CCDC33: variants seen among roughly 807,000 people sequenced by gnomAD.
CCDC33 encodes coiled-coil domain containing 33.
A neutral mutation model predicts 91.9 loss-of-function variants in CCDC33; 94 were observed. The observed-to-expected ratio is 1.02, with a 90% confidence interval of 0.87 to 1.21. The LOEUF is 1.21. Ranked by LOEUF, CCDC33 falls within the 50% of genes most tolerant of loss-of-function variation. The pLI, the probability that CCDC33 is intolerant of heterozygous loss-of-function variation, is 0.00. For missense variants in CCDC33, 940 were observed against 935.5 expected (o/e 1.00, Z -0.06); for synonymous variants, 396 against 374.5 (o/e 1.06, Z -0.66).
At chr15:74,335,345 G>A in intron 18 of CCDC33, 1 of 600,842 alleles carries the variant, frequency 1.7e-6, no homozygotes, top group Non-Finnish European at 3.0e-6. Context: ...AACTCAAGGA[G>A]ATGACTGTGG....
chr15:74,232,782 G>A (rs770986534), upstream of CCDC33, among the ~76,000 whole-genome samples: 1 of 152,254 alleles, frequency 6.6e-6, no homozygotes, highest in Admixed American at 6.5e-5. Flanking sequence ...AACGCGGACA[G>A]TGAAGTCCCC....
intron 2 of CCDC33, among the ~76,000 whole-genome samples, chr15:74,225,117 C>CGTGCGTGTGTGT (rs2074748671): frequency 7.2e-6 from 1 of 139,832 alleles, no homozygotes; most frequent in African/African-American, 2.7e-5. Flanking sequence ...CTCCTGGAGG[C>CGTGCGTGTGTGT]GTGTGTGTGT....
chr15:74,305,798 C>G (rs1234606201), intron 11 of CCDC33, among the ~76,000 whole-genome samples: 2 of 152,216 alleles, frequency 1.3e-5, no homozygotes, highest in Admixed American at 1.3e-4. Context: ...TCTCGCCCCA[C>G]AGATTCCTCC....
chr15:74,268,569 G>A, intron 5 of CCDC33, 111 bp downstream of exon 5: 3 of 771,998 alleles, frequency 3.9e-6, no homozygotes, highest in Non-Finnish European at 6.6e-6. Context: ...AGGGTGTGGA[G>A]CAGAGATGTC....
chr15:74,211,241 A>G (rs1211003135), intron 2 of CCDC33, among the ~76,000 whole-genome samples: 1 of 151,514 alleles, frequency 6.6e-6, no homozygotes, highest in African/African-American at 2.4e-5. Flanking sequence ...GTTTCATTCT[A>G]TGGCTGGGAG....
At chr15:74,221,302 G>T (rs2015300) in intron 2 of CCDC33, 64 of 975,276 alleles carry the variant, frequency 6.6e-5, no homozygotes, top group Non-Finnish European at 7.4e-5. Flanking sequence ...AGCAGGATGA[G>T]CAGGAATGCA....
chr15:74,237,482 G>A (rs2075201736), intron 1 of CCDC33, among the ~76,000 whole-genome samples: 1 of 152,210 alleles, frequency 6.6e-6, no homozygotes, highest in Non-Finnish European at 1.5e-5. Flanking sequence ...GCAAATGGGG[G>A]ATACCCTCTT....
At chr15:74,282,775 G>C (rs930137864) in intron 10 of CCDC33, among the ~76,000 whole-genome samples, 1 of 152,246 alleles carries the variant, frequency 6.6e-6, no homozygotes, top group African/African-American at 2.4e-5. Context: ...GATGAGCCTC[G>C]ATCCCTCTCG....
intron 7 of CCDC33, among the ~76,000 whole-genome samples, chr15:74,274,175 C>T (rs547649429): frequency 4.6e-5 from 7 of 152,330 alleles, no homozygotes; most frequent in African/African-American, 1.4e-4. Flanking sequence ...ACAGGTTGGA[C>T]ACAGCAATAG....
chr15:74,243,393 C>T lies in CCDC33; in HGVS notation c.22-592C>T, dbSNP rs192076812. On this transcript the variant is annotated intron_variant, in intron 1 of 18. Transcript: ENST00000398814. The stretch of plus-strand genomic sequence containing the variant: ...GCAGGTGGGATTTAGGAATTACAGA[C>T]GAGGACACCTGCGAAAGCTAAGGCT... 4.6e-5 allele frequency among the ~76,000 whole-genome samples: 7 copies of T among 152,306 alleles called. No individual in the cohort carries two copies. In the East Asian group the frequency reaches 1.2e-3, roughly 25 times the overall value.
chr15:74,208,308 G>A (rs185368104), intron 1 of CCDC33, among the ~76,000 whole-genome samples: 9 of 152,184 alleles, frequency 5.9e-5, no homozygotes, highest in Non-Finnish European at 1.3e-4. Context: ...GCCTTCGGAG[G>A]ACTAGACACA....
intron 2 of CCDC33, among the ~76,000 whole-genome samples, chr15:74,226,566 C>T (rs1363925739): frequency 6.6e-6 from 1 of 152,066 alleles, no homozygotes; most frequent in African/African-American, 2.4e-5. Flanking sequence ...CGGTGGCTCT[C>T]GCCTGTAATC....
At position 74,244,895 on chromosome 15, in the gene CCDC33, G is replaced by T. The variant is rs1055405383; in HGVS notation, c.185+747G>T. Among the ~76,000 whole-genome samples the T allele has an allele frequency of 6.6e-6, 1 of 152,066 alleles. No homozygotes were observed. Among genetic ancestry groups the T allele is most frequent in the Admixed American group, 6.5e-5 (1 of 15,280 alleles). On this transcript the variant is annotated intron_variant, in intron 2 of 18. Transcript: ENST00000398814. The surrounding 1 kb of genome is among the most constrained non-coding windows in gnomAD (Gnocchi z 4.2). The stretch of plus-strand genomic sequence containing the variant: ...TCTATAGACAGACGGCGGGAGCCTT[G>T]GTGGCCTCCCACCAAGCCACCCTAT...
intron 10 of CCDC33, among the ~76,000 whole-genome samples, chr15:74,290,338 C>T (rs1470819731): frequency 6.6e-6 from 1 of 152,068 alleles, no homozygotes; most frequent in Non-Finnish European, 1.5e-5. Flanking sequence ...CCACCATGCC[C>T]AGCTAACTGT....
At position 74,283,382 on chromosome 15, in the gene CCDC33, G is replaced by A. The variant is rs148767518; in HGVS notation, c.1095+1533G>A. Among the ~76,000 whole-genome samples the A allele has an allele frequency of 3.9e-5, 6 of 152,292 alleles. No homozygotes were observed. The East Asian group carries it at 5.8e-4, about 15-fold the overall frequency. ...TGTGTATCCTGGGACTAAAAGGAGC[G>A]TCAGGTGCCCCTGGTCAGGGGACTG... On this transcript the variant is annotated intron_variant, in intron 10 of 18. Coordinates refer to ENST00000398814, the MANE Select transcript of CCDC33 (RefSeq NM_025055.5).
chr15:74,242,716 G>A (rs1454611682), intron 1 of CCDC33, among the ~76,000 whole-genome samples: 8 of 152,154 alleles, frequency 5.3e-5, no homozygotes. Context: ...CAGCCGGCCA[G>A]TGGAGGACCA....
chr15:74,238,896 C>T (rs2075262319), intron 1 of CCDC33, among the ~76,000 whole-genome samples: 1 of 152,238 alleles, frequency 6.6e-6, no homozygotes, highest in African/African-American at 2.4e-5. Flanking sequence ...CCTGGCCTCA[C>T]TAGCTAAGCT....
At chr15:74,219,765 G>A (rs1461917625) in intron 2 of CCDC33, among the ~76,000 whole-genome samples, 2 of 152,270 alleles carry the variant, frequency 1.3e-5, no homozygotes, top group East Asian at 1.9e-4. Flanking sequence ...TAACTCCGCC[G>A]ACTGCCTGCC....
chr15:74,314,821 G>A (rs751506998), intron 11 of CCDC33, among the ~76,000 whole-genome samples: 3 of 152,204 alleles, frequency 2.0e-5, no homozygotes, highest in Non-Finnish European at 4.4e-5. Flanking sequence ...GCCTCCGGGA[G>A]CTGGCATCTC....
Sources: gnomAD v4.1 joint callset for allele counts (sites outside exome capture counted in the v4.1 genomes callset) on GRCh38, gnomAD v4.1.1 for gene constraint, Gnocchi (gnomAD v3.1) non-coding constraint, MANE v1.5 for transcripts, NCBI Gene and HGNC (gene_info 2026-07-23, HGNC 2026-07-21) for gene names.